MAGI2: variants seen among roughly 807,000 people sequenced by gnomAD.
The protein encoded by MAGI2 is membrane-associated guanylate kinase, WW and PDZ domain-containing protein 2.
A neutral mutation model predicts 133.3 loss-of-function variants in MAGI2; 35 were observed. The ratio of observed to expected loss-of-function variants is 0.26; its 90% CI spans 0.20 to 0.35. The LOEUF (loss-of-function observed/expected upper bound fraction) is 0.35. MAGI2 is among the 10% of genes least tolerant of loss of function. The probability of loss-of-function intolerance (pLI) is 1.00; values close to 1 mark genes in which losing one functional copy is unlikely to be tolerated. For missense variants in MAGI2, 1,636 were observed against 1,863.4 expected, an observed-to-expected ratio of 0.88 and a Z score of 2.25; for synonymous variants, 729 against 710.6, an observed-to-expected ratio of 1.03 and a Z score of -0.41.
chr7:78,709,452 A>G (rs2151171685), intron 2 of MAGI2, among the ~76,000 whole-genome samples: 1 of 152,318 alleles, frequency 6.6e-6, no homozygotes, highest in Middle Eastern at 3.4e-3. Flanking sequence ...CATCTTTGGT[A>G]GGAAGCTTTC....
At chr7:78,156,696 G>A (rs1387089692) in intron 16 of MAGI2, among the ~76,000 whole-genome samples, 2 of 151,858 alleles carry the variant, frequency 1.3e-5, no homozygotes, top group Non-Finnish European at 2.9e-5. Flanking sequence ...AGTCCAGATA[G>A]GATGATTGTA....
chr7:78,038,631 G>A (rs1455789581), intron 21 of MAGI2, among the ~76,000 whole-genome samples: 1 of 152,176 alleles, frequency 6.6e-6, no homozygotes, highest in African/African-American at 2.4e-5. Flanking sequence ...GCTCCCCAGG[G>A]ATTCACATGC....
intron 21 of MAGI2, chr7:78,078,036 C>CTT (rs572902297): frequency 2.2e-4 from 31 of 143,526 alleles, no homozygotes; most frequent in African/African-American, 6.3e-4. Flanking sequence ...CCCTAGAAAT[C>CTT]TTTTTTTTTT....
chr7:78,158,344 T>G (rs1294543842), intron 16 of MAGI2: 1 of 152,124 alleles, frequency 6.6e-6, no homozygotes, highest in Non-Finnish European at 1.5e-5. Flanking sequence ...GAATGAGCTC[T>G]GGAAGACTGT....
At chr7:79,449,148 G>A (rs17152510) in intron 1 of MAGI2, among the ~76,000 whole-genome samples, 46,191 of 151,822 alleles carry the variant, frequency 0.3, 7,124 homozygotes, top group East Asian at 0.38. Context: ...TACCTTTTCA[G>A]ATACAAAGGA....
rs1825768281 is a variant in MAGI2, at chr7:78,773,731, G to A, written c.419-146492C>T. Among the ~76,000 whole-genome samples the A allele has an allele frequency of 2.6e-5, 4 of 152,270 alleles. 1 individual carries two copies. The South Asian group carries it at 8.3e-4, about 32-fold the overall frequency. On this transcript the variant is annotated intron_variant, in intron 2 of 21. Coordinates refer to ENST00000354212, the MANE Select transcript of MAGI2 (RefSeq NM_012301.4). ...GTGTCAGTTTTCTAGGTAAGTAAAGGCAGGGGGTTTTCAGGCAGAGACACA... is the reference window on the plus strand; with the variant it reads ...GTGTCAGTTTTCTAGGTAAGTAAAGACAGGGGGTTTTCAGGCAGAGACACA...
chr7:78,228,992 G>A (rs1047863811), intron 10 of MAGI2, among the ~76,000 whole-genome samples: 3 of 152,216 alleles, frequency 2.0e-5, no homozygotes, highest in East Asian at 1.9e-4. Context: ...CTAGAATCTC[G>A]TGCCCACAGG....
intron 6 of MAGI2, among the ~76,000 whole-genome samples, chr7:78,392,103 C>T (rs1382837605): frequency 1.3e-5 from 2 of 152,158 alleles, no homozygotes; most frequent in African/African-American, 4.8e-5. Context: ...AAGATACGAT[C>T]CTTGCCTCAA....
chr7:79,064,209 T>C (rs1034063253), intron 1 of MAGI2, among the ~76,000 whole-genome samples: 1 of 152,050 alleles, frequency 6.6e-6, no homozygotes, highest in Non-Finnish European at 1.5e-5. Flanking sequence ...CTGCTGAAGA[T>C]CTAGTGGTAA....
chr7:78,558,156 T>C (rs1439570409), intron 3 of MAGI2, among the ~76,000 whole-genome samples: 1 of 152,198 alleles, frequency 6.6e-6, no homozygotes, highest in Non-Finnish European at 1.5e-5. Context: ...TTATCTGATG[T>C]TATGAAGTTG....
At chr7:78,076,703 G>A (rs573075529) in intron 21 of MAGI2, among the ~76,000 whole-genome samples, 240 of 149,258 alleles carry the variant, frequency 1.6e-3, no homozygotes, top group African/African-American at 3.0e-3. Context: ...AAAATTAGCC[G>A]GGCGCGGTGG....
chr7:79,309,288 T>A (rs1371272037), intron 1 of MAGI2, among the ~76,000 whole-genome samples: 1 of 151,860 alleles, frequency 6.6e-6, no homozygotes, highest in Non-Finnish European at 1.5e-5. Flanking sequence ...TATAGATAAA[T>A]CTTTCAAGAT....
intron 6 of MAGI2, among the ~76,000 whole-genome samples, chr7:78,376,657 T>C (rs1794476037): frequency 6.6e-6 from 1 of 152,078 alleles, no homozygotes; most frequent in African/African-American, 2.4e-5. Context: ...TGGCAGCTAT[T>C]GATGTATGAA....
At chr7:78,331,535 T>A (rs1285540160) in intron 9 of MAGI2, among the ~76,000 whole-genome samples, 1 of 152,220 alleles carries the variant, frequency 6.6e-6, no homozygotes, top group Non-Finnish European at 1.5e-5. Flanking sequence ...TGCATTTAGT[T>A]ATTACTTTTA....
intron 2 of MAGI2, among the ~76,000 whole-genome samples, chr7:78,667,887 C>A (rs753944773): frequency 3.3e-5 from 5 of 152,094 alleles, no homozygotes; most frequent in African/African-American, 9.7e-5. Flanking sequence ...ATGATTTATA[C>A]TCCTTTGGGT....
intron 2 of MAGI2, among the ~76,000 whole-genome samples, chr7:78,774,623 T>C (rs1825841232): frequency 6.6e-6 from 1 of 152,204 alleles, no homozygotes; most frequent in Non-Finnish European, 1.5e-5. Flanking sequence ...AGTTTGCCAC[T>C]GATCTCATCA....
intron 1 of MAGI2, among the ~76,000 whole-genome samples, chr7:79,394,618 C>A (rs1844907044): frequency 6.6e-6 from 1 of 152,200 alleles, no homozygotes; most frequent in South Asian, 2.1e-4. Context: ...ACTAGAATGT[C>A]TCATATATGC....
At chr7:78,115,810 G>T (rs1819809088) in intron 20 of MAGI2, among the ~76,000 whole-genome samples, 1 of 152,054 alleles carries the variant, frequency 6.6e-6, no homozygotes, top group African/African-American at 2.4e-5. Flanking sequence ...ACATTGTGAG[G>T]CCCCATTTCC....
chr7:78,614,261 G>A (rs570305613), intron 3 of MAGI2: 2 of 148,758 alleles, frequency 1.3e-5, no homozygotes, highest in South Asian at 2.1e-4. Context: ...AACTCTGGGG[G>A]ACAGGTGAGT....
Sources: gnomAD v4.1 joint callset for allele counts (sites outside exome capture counted in the v4.1 genomes callset) on GRCh38, gnomAD v4.1.1 for gene constraint, MANE v1.5 for transcripts, NCBI Gene and HGNC (gene_info 2026-07-23, HGNC 2026-07-21) for gene names.